KHDRBS2: variants seen among roughly 807,000 people sequenced by gnomAD.
The protein encoded by KHDRBS2 is KH RNA binding domain containing, signal transduction associated 2.
Under a neutral mutation model 44.3 loss-of-function variants are expected in KHDRBS2, and 26 were observed. The observed-to-expected ratio is 0.59, with a 90% CI of 0.43 to 0.81. The LOEUF is 0.81. Among genes scored for constraint, KHDRBS2 ranks in the 40% least tolerant of loss-of-function variants. KHDRBS2 has a pLI of 0.00. For synonymous variants in KHDRBS2, 194 were observed against 151.1 expected (o/e 1.28, Z -2.08); for missense variants, 476 against 433.1 (o/e 1.10, Z -0.88).
In KHDRBS2 at chr6:61,759,628, T is replaced by C. The variant is rs150613740; in HGVS notation, c.811-26864A>G. Among the ~76,000 whole-genome samples the C allele has an allele frequency of 1.6e-4, 25 of 152,298 alleles. 1 individual carries two copies. In the East Asian group the frequency reaches 4.0e-3, roughly 25 times the overall value. ...AGATGCGGTCAAACTCACTAAGCCA[T>C]ATGCTTCCAATAGGTAACTTATTCC... is the stretch of plus-strand genomic sequence containing the variant. On this transcript the variant is annotated intron_variant, in intron 6 of 8. Transcript: ENST00000281156.
At chr6:61,914,509 T>A (rs1175891743) in intron 4 of KHDRBS2, among the ~76,000 whole-genome samples, 2 of 36,724 alleles carry the variant, frequency 5.4e-5, no homozygotes, top group African/African-American at 2.3e-4. Context: ...GGGTCTGTTG[T>A]GGGGTAGGGG....
At chr6:61,685,341 G>A (rs1052005756) in intron 8 of KHDRBS2, among the ~76,000 whole-genome samples, 4 of 151,724 alleles carry the variant, frequency 2.6e-5, no homozygotes, top group African/African-American at 7.3e-5. Context: ...AGGAGAAATC[G>A]TCTACAGTGG....
chr6:61,989,777 C>T (rs1403266541), intron 3 of KHDRBS2, among the ~76,000 whole-genome samples: 2 of 152,202 alleles, frequency 1.3e-5, no homozygotes, highest in Admixed American at 1.3e-4. Context: ...ATACTCTGCT[C>T]ATATCCCCCT....
chr6:61,724,651 G>A (rs181321111), intron 7 of KHDRBS2, among the ~76,000 whole-genome samples: 1 of 152,062 alleles, frequency 6.6e-6, no homozygotes, highest in South Asian at 2.1e-4. Flanking sequence ...AAAAGCAGGG[G>A]TTGTAATCCT....
chr6:62,146,107 T>C (rs567258000), intron 2 of KHDRBS2, among the ~76,000 whole-genome samples: 9 of 152,032 alleles, frequency 5.9e-5, no homozygotes, highest in African/African-American at 1.9e-4. Context: ...TCCATATCTC[T>C]GTCTTCAGAG....
At chr6:61,839,023 C>G (rs1398533989) in intron 6 of KHDRBS2, among the ~76,000 whole-genome samples, 2 of 152,036 alleles carry the variant, frequency 1.3e-5, no homozygotes, top group African/African-American at 4.8e-5. Flanking sequence ...TTGCTCACCT[C>G]AGGGATTTCG....
intron 6 of KHDRBS2, among the ~76,000 whole-genome samples, chr6:61,766,574 T>G (rs2127574533): frequency 6.6e-6 from 1 of 152,212 alleles, no homozygotes; most frequent in South Asian, 2.1e-4. Context: ...GAAGTTTTTC[T>G]ACTTTTTTGA....
chr6:62,059,360 A>C (rs1791156759), intron 2 of KHDRBS2, among the ~76,000 whole-genome samples: 1 of 151,302 alleles, frequency 6.6e-6, no homozygotes, highest in African/African-American at 2.4e-5. Flanking sequence ...AAAGCTAAAC[A>C]TGGCAGAGCC....
chr6:62,071,962 C>G (rs919630961), intron 2 of KHDRBS2, among the ~76,000 whole-genome samples: 1 of 152,080 alleles, frequency 6.6e-6, no homozygotes, highest in Non-Finnish European at 1.5e-5. Context: ...ATTGATTCTT[C>G]CTACCCATGA....
chr6:61,587,363 A>ATC, the KHDRBS2 span, among the ~76,000 whole-genome samples: 175 of 149,252 alleles, frequency 1.2e-3, no homozygotes, highest in East Asian at 1.6e-3. Context: ...GCTTTTTTTT[A>ATC]TCTCTCTCTC....
At chr6:62,177,780 A>T (rs1004728636) in intron 1 of KHDRBS2, among the ~76,000 whole-genome samples, 4 of 151,466 alleles carry the variant, frequency 2.6e-5, no homozygotes, top group African/African-American at 7.3e-5. Context: ...TAGCTAAAAT[A>T]GGTAGTAAAG....
chr6:61,868,897 C>A (rs1307534667), intron 6 of KHDRBS2, among the ~76,000 whole-genome samples: 2 of 152,164 alleles, frequency 1.3e-5, no homozygotes, highest in African/African-American at 4.8e-5. Context: ...GGTCCTGGGT[C>A]TCTGTGCTTG....
chr6:62,183,812 T>A (rs1372016085), intron 1 of KHDRBS2, among the ~76,000 whole-genome samples: 1 of 151,716 alleles, frequency 6.6e-6, no homozygotes, highest in Non-Finnish European at 1.5e-5. Context: ...TTTTTGCTCA[T>A]CTATGATCAA....
intron 2 of KHDRBS2, among the ~76,000 whole-genome samples, chr6:62,068,242 G>A (rs890779370): frequency 6.6e-6 from 1 of 151,574 alleles, no homozygotes; most frequent in African/African-American, 2.4e-5. Context: ...TGGGTGTGAA[G>A]TTGTTATGAT....
At chr6:61,754,154 A>T (rs1778142183) in intron 6 of KHDRBS2, among the ~76,000 whole-genome samples, 1 of 152,188 alleles carries the variant, frequency 6.6e-6, no homozygotes, top group Admixed American at 6.5e-5. Flanking sequence ...TTACAGCAGC[A>T]TTAGGTAACT....
intron 2 of KHDRBS2, among the ~76,000 whole-genome samples, chr6:62,061,313 G>A (rs1376373698): frequency 6.6e-5 from 10 of 151,574 alleles, no homozygotes; most frequent in South Asian, 4.2e-4. Flanking sequence ...GGCTGGTACC[G>A]GTTGTTCCTT....
At chr6:61,601,256 C>G in the KHDRBS2 span, among the ~76,000 whole-genome samples, 1 of 151,834 alleles carries the variant, frequency 6.6e-6, no homozygotes, top group Non-Finnish European at 1.5e-5. Context: ...GGGGCAGGCA[C>G]CCCCCACCCC....
the KHDRBS2 span, among the ~76,000 whole-genome samples, chr6:61,580,310 ACT>A: frequency 6.6e-6 from 1 of 152,140 alleles, no homozygotes; most frequent in Non-Finnish European, 1.5e-5. Flanking sequence ...ACCAATCATT[ACT>A]CTGTGTCTAG....
chr6:62,116,909 C>T (rs751835327), intron 2 of KHDRBS2, among the ~76,000 whole-genome samples: 1 of 152,098 alleles, frequency 6.6e-6, no homozygotes, highest in African/African-American at 2.4e-5. Context: ...ATAATGACCT[C>T]CAGTGATGGG....
Sources: allele counts gnomAD v4.1 joint callset (sites outside exome capture counted in the v4.1 genomes callset), GRCh38; gene constraint gnomAD v4.1.1; transcripts MANE v1.5; gene names NCBI Gene and HGNC (gene_info 2026-07-23, HGNC 2026-07-21).